DSCAM: variants seen among roughly 807,000 people sequenced by gnomAD.
The protein encoded by DSCAM is DS cell adhesion molecule.
In DSCAM, 47 loss-of-function variants were observed where a neutral mutation model predicts 217.7. The ratio of observed to expected loss-of-function variants is 0.22; its 90% CI spans 0.17 to 0.28. The LOEUF (loss-of-function observed/expected upper bound fraction) is 0.28. Among genes scored for constraint, DSCAM ranks in the 10% least tolerant of loss-of-function variants. The pLI is 1.00. For missense variants in DSCAM, 2,080 were observed against 2,618.3 expected, an observed-to-expected ratio of 0.79 and a Z score of 4.49; for synonymous variants, 1,056 against 1,015.3, an observed-to-expected ratio of 1.04 and a Z score of -0.76.
intron 3 of DSCAM, among the ~76,000 whole-genome samples, chr21:40,640,145 G>A (rs963020340): frequency 6.6e-6 from 1 of 151,214 alleles, no homozygotes. Flanking sequence ...CTGCAGAGAG[G>A]AAAATCAAGA....
intron 3 of DSCAM, among the ~76,000 whole-genome samples, chr21:40,413,891 A>G (rs188556654): frequency 6.6e-6 from 1 of 152,360 alleles, no homozygotes; most frequent in East Asian, 1.9e-4. Context: ...GAATATGTGA[A>G]CATACATAGG....
intron 22 of DSCAM, among the ~76,000 whole-genome samples, chr21:40,085,971 G>A (rs1045843443): frequency 5.9e-5 from 9 of 152,144 alleles, no homozygotes; most frequent in East Asian, 1.9e-4. Context: ...AAAATGTTAC[G>A]TTGAAGATGA....
At chr21:40,061,918 C>A (rs1267292221) in intron 28 of DSCAM, among the ~76,000 whole-genome samples, 1 of 152,200 alleles carries the variant, frequency 6.6e-6, no homozygotes, top group African/African-American at 2.4e-5. Flanking sequence ...GAGTCCTTGA[C>A]ATTTTCCCTA....
At chr21:40,726,632 A>AGAG (rs1472088320) in intron 1 of DSCAM, among the ~76,000 whole-genome samples, 1 of 152,152 alleles carries the variant, frequency 6.6e-6, no homozygotes, top group Non-Finnish European at 1.5e-5. Flanking sequence ...CATGATCAGA[A>AGAG]GGAGCCCAAA....
At chr21:40,324,181 C>CTTTT (rs1219941892) in intron 8 of DSCAM, among the ~76,000 whole-genome samples, 1 of 105,024 alleles carries the variant, frequency 9.5e-6, no homozygotes, top group Non-Finnish European at 2.0e-5. Context: ...AGGCAAATAA[C>CTTTT]TTTTTTCCCA....
At chr21:40,621,004 A>G (rs940316349) in intron 3 of DSCAM, among the ~76,000 whole-genome samples, 1 of 152,218 alleles carries the variant, frequency 6.6e-6, no homozygotes, top group Non-Finnish European at 1.5e-5. Flanking sequence ...CTAGGATTCC[A>G]TTGATATGAC....
chr21:40,335,727 A>T (rs1207309012), intron 8 of DSCAM, among the ~76,000 whole-genome samples: 1 of 152,188 alleles, frequency 6.6e-6, no homozygotes, highest in Non-Finnish European at 1.5e-5. Flanking sequence ...TTAGCACTGT[A>T]TTAGATGTTT....
chr21:40,408,044 T>C (rs1242153962), intron 3 of DSCAM, among the ~76,000 whole-genome samples: 1 of 152,114 alleles, frequency 6.6e-6, no homozygotes, highest in Non-Finnish European at 1.5e-5. Context: ...CAGAACTGTG[T>C]TCACTGTGTT....
intron 11 of DSCAM, among the ~76,000 whole-genome samples, chr21:40,218,160 G>T (rs1424380115): frequency 6.6e-6 from 1 of 152,002 alleles, no homozygotes; most frequent in Non-Finnish European, 1.5e-5. Context: ...TTCTTGAGTT[G>T]ATTTTTGTAC....
intron 3 of DSCAM, among the ~76,000 whole-genome samples, chr21:40,483,563 A>T (rs1259347274): frequency 6.6e-6 from 1 of 152,198 alleles, no homozygotes; most frequent in Non-Finnish European, 1.5e-5. Flanking sequence ...TTACACAATG[A>T]TAATTTTTTT....
chr21:40,493,516 A>C (rs1174633086), intron 3 of DSCAM, among the ~76,000 whole-genome samples: 2 of 152,282 alleles, frequency 1.3e-5, no homozygotes, highest in Admixed American at 1.3e-4. Flanking sequence ...TATTAGCTAC[A>C]ACAATTTGTT....
At chr21:40,652,149 G>C (rs995739530) in intron 3 of DSCAM, among the ~76,000 whole-genome samples, 32 of 131,480 alleles carry the variant, frequency 2.4e-4, no homozygotes, top group African/African-American at 9.1e-4. Context: ...ACTGGGGCCT[G>C]TTGAAGGGTG....
chr21:40,313,314 T>C lies in DSCAM; in HGVS notation c.1784-955A>G, dbSNP rs141674515. On this transcript the variant is annotated intron_variant, in intron 8 of 32. Coordinates refer to ENST00000400454, the MANE Select transcript of DSCAM (RefSeq NM_001389.5). ...TGTGAACTGGTCCGTGGCAGGTTAT[T>C]TGACTTGCTGATGTATTGCTAAGGA... Among the ~76,000 whole-genome samples the C allele has an allele frequency of 2.0e-5, 3 of 152,312 alleles. No homozygotes were observed. In the East Asian group the frequency reaches 5.8e-4, roughly 29 times the overall value.
chr21:40,498,706 TATATGGGTGTATATATATATGG>T, intron 3 of DSCAM, among the ~76,000 whole-genome samples: 1 of 8,134 alleles, frequency 1.2e-4, no homozygotes, highest in Non-Finnish European at 2.0e-4. Context: ...TAGATATATA[TATATGGGTGTATATATATATGG>T]GTGTGTGTAT....
intron 11 of DSCAM, among the ~76,000 whole-genome samples, chr21:40,226,287 G>A (rs1335144292): frequency 6.6e-6 from 1 of 152,234 alleles, no homozygotes; most frequent in Non-Finnish European, 1.5e-5. Flanking sequence ...ACACAAATGT[G>A]GAACACATAG....
chr21:40,195,983 C>A (rs992459090), intron 11 of DSCAM, among the ~76,000 whole-genome samples: 8 of 152,194 alleles, frequency 5.3e-5, no homozygotes, highest in African/African-American at 1.9e-4. Context: ...TTACTGAATA[C>A]ATTTTTTTTA....
chr21:40,060,375 T>C (rs540863893), intron 28 of DSCAM, among the ~76,000 whole-genome samples: 4 of 152,212 alleles, frequency 2.6e-5, no homozygotes, highest in African/African-American at 4.8e-5. Context: ...TCATCCTAAT[T>C]GAGCAAATGT....
At chr21:40,508,377 G>C (rs1177855439) in intron 3 of DSCAM, among the ~76,000 whole-genome samples, 1 of 151,840 alleles carries the variant, frequency 6.6e-6, no homozygotes, top group East Asian at 1.9e-4. Context: ...AAAAGAGAAG[G>C]GAAAAGATCT....
At chr21:40,577,626 C>T (rs533386307) in intron 3 of DSCAM, among the ~76,000 whole-genome samples, 13 of 152,252 alleles carry the variant, frequency 8.5e-5, no homozygotes, top group East Asian at 1.9e-4. Context: ...CGACGAGAGA[C>T]GGCTAACGCT....
Sources: gnomAD v4.1 joint callset for allele counts (sites outside exome capture counted in the v4.1 genomes callset) on GRCh38, gnomAD v4.1.1 for gene constraint, MANE v1.5 for transcripts, NCBI Gene and HGNC (gene_info 2026-07-23, HGNC 2026-07-21) for gene names.